The following DBN1 variants were observed in gnomAD, a reference collection of about 807,000 sequenced individuals.
DBN1 encodes drebrin 1, also known as drebrin.
A neutral mutation model predicts 83.5 loss-of-function variants in DBN1; 21 were observed. That is an observed-to-expected ratio of 0.25 (90% CI 0.18 to 0.36). DBN1 has a LOEUF of 0.36. Among genes scored for constraint, DBN1 ranks in the 10% least tolerant of loss-of-function variants. DBN1 has a pLI of 1.00. For missense variants in DBN1, 874 were observed against 935.7 expected (o/e 0.93, Z 0.86); for synonymous variants, 381 against 384.9 (o/e 0.99, Z 0.12).
Position 177,456,993 on chromosome 5 carries a change from C to T in DBN1, c.*440G>A. ...AAAATTCGTGCAAAATATCTGAAGC[C>T]CTGGACAGAGAATACAAAGTGATAT... is the stretch of plus-strand genomic sequence containing the variant. On this transcript the variant is annotated 3_prime_UTR_variant, in exon 15 of 15. Transcript: ENST00000393565. 5.8e-6 allele frequency: 1 copy of T among 173,608 alleles called. No individual in the cohort carries two copies. The highest frequency in any genetic ancestry group is 1.2e-5 in the Non-Finnish European group (1 of 80,638). The allele number at this position is 173,608 out of a possible 1,614,324, so 10.8% of individuals were successfully genotyped here.
Position 177,459,667 on chromosome 5 carries a change from A to G in DBN1, c.1029T>C (p.Pro343=), listed in dbSNP as rs1165562481. The G allele has an allele frequency of 2.6e-5, 41 of 1,591,744 alleles. No homozygotes were observed. The highest frequency in any genetic ancestry group is 3.3e-5 in the Non-Finnish European group (39 of 1,169,496). ...TGATATAGGGAAAGGGAGTCCGTGG[A>G]GGGGAGGAGGAGGAAGAGGAGGAGG... ...PSSSSSSSSS[P]PRTPFPYITC... The change falls in exon 11 of 15, where the codon CCT becomes CCC. Residue 343 remains proline, a synonymous_variant. Coordinates refer to ENST00000393565, the MANE Select transcript of DBN1 (RefSeq NM_001363541.2).
chr5:177,471,988 G>T, intron 1 of DBN1: 1 of 1,023,288 alleles, frequency 9.8e-7, no homozygotes, highest in Non-Finnish European at 1.4e-6. Context: ...CCCAAAGCCA[G>T]CTCCTTCACC....
intron 8 of DBN1, among the ~76,000 whole-genome samples, chr5:177,464,757 T>C (rs1311231684): frequency 2.0e-5 from 3 of 151,886 alleles, no homozygotes; most frequent in African/African-American, 7.2e-5. Context: ...TTGGCCAACA[T>C]GGTGAAACCC....
chr5:177,467,468 A>C lies in DBN1; in HGVS notation c.477+13T>G. 2 of 1,603,896 alleles carry C rather than the reference A, an allele frequency of 1.2e-6. No individual in the cohort carries two copies. The highest frequency in any genetic ancestry group is 1.7e-6 in the Non-Finnish European group (2 of 1,174,150). On this transcript the variant is annotated intron_variant, in intron 5 of 14. Transcript: ENST00000393565. This position sits in a 1 kb window ranked among gnomAD's most constrained non-coding sequence, Gnocchi z 9.1. Reference sequence around the variant, plus strand: ...ACGCAGGCAGAGCCCACGGGTGCCAAACACACACTAACCACGGGCTCTGCG... The same window carrying C: ...ACGCAGGCAGAGCCCACGGGTGCCACACACACACTAACCACGGGCTCTGCG...
chr5:177,465,738 C>T (rs1757400369), intron 8 of DBN1, among the ~76,000 whole-genome samples: 2 of 151,736 alleles, frequency 1.3e-5, no homozygotes, highest in Admixed American at 6.6e-5. Flanking sequence ...GCCTGTAATC[C>T]CAGCTACTCA....
At chr5:177,462,368 C>T (rs758256782) in intron 8 of DBN1, 1 of 985,582 alleles carries the variant, frequency 1.0e-6, no homozygotes, top group Non-Finnish European at 1.2e-6. Flanking sequence ...GGGCCAGGCC[C>T]TCTGGTTTCC....
In DBN1 at chr5:177,459,577, C is replaced by T. The variant is rs746344631; in HGVS notation, c.1093+26G>A. 26 of 1,475,902 alleles carry T rather than the reference C, an allele frequency of 1.8e-5. No individual in the cohort carries two copies. The Middle Eastern group carries it at 5.9e-4, about 33-fold the overall frequency. The allele number at this position is 1,475,902 out of a possible 1,614,324, so 91.4% of individuals were successfully genotyped here. A position where few individuals can be genotyped will look rare whatever the true frequency, so the allele number is the denominator to read the frequency against. Reference sequence around the variant, plus strand: ...GAAGCGGGGCCCTCCTTACCACCCCCGCCGAGGCCTGGGGCTGCTACCTAC... The same window carrying T: ...GAAGCGGGGCCCTCCTTACCACCCCTGCCGAGGCCTGGGGCTGCTACCTAC... On this transcript the variant is annotated intron_variant, in intron 11 of 14. Coordinates refer to ENST00000393565, the MANE Select transcript of DBN1 (RefSeq NM_001363541.2).
Position 177,466,401 on chromosome 5 carries a change from A to C in DBN1, c.771+371T>G, listed in dbSNP as rs1408821771. On this transcript the variant is annotated intron_variant, in intron 8 of 14. Transcript: ENST00000393565. The surrounding 1 kb of genome is among the most constrained non-coding windows in gnomAD (Gnocchi z 4.8). Reference sequence around the variant, plus strand: ...TACACACTGCCTGCAGATGCTCAGCACTGGCCCAGGCTCACCCATGCCGCC... The same window carrying C: ...TACACACTGCCTGCAGATGCTCAGCCCTGGCCCAGGCTCACCCATGCCGCC... 6.6e-6 allele frequency among the ~76,000 whole-genome samples: 1 copy of C among 152,160 alleles called. No homozygotes were observed. Among genetic ancestry groups the C allele is most frequent in the Non-Finnish European group, 1.5e-5 (1 of 68,000 alleles).
At chr5:177,473,000 C>T (rs1699721910) in intron 1 of DBN1, 2 of 225,992 alleles carry the variant, frequency 8.8e-6, no homozygotes, top group Non-Finnish European at 1.5e-5. Context: ...GGGCAGGCTG[C>T]GCTGGCTCCG....
chr5:177,457,329 G>A lies in DBN1; in HGVS notation c.*104C>T. Reference sequence around the variant, plus strand: ...CAGCCAGGGCCGGAATCCGGAGTGGGTGCCAGGCGGAGCTGCTGCGAATGC... The same window carrying A: ...CAGCCAGGGCCGGAATCCGGAGTGGATGCCAGGCGGAGCTGCTGCGAATGC... On this transcript the variant is annotated 3_prime_UTR_variant, in exon 15 of 15. Coordinates refer to ENST00000393565, the MANE Select transcript of DBN1 (RefSeq NM_001363541.2). The A allele has an allele frequency of 1.1e-6, 1 of 949,404 alleles. No individual in the cohort carries two copies. Among genetic ancestry groups the A allele is most frequent in the South Asian group, 1.3e-5 (1 of 74,758 alleles). The allele number at this position is 949,404 out of a possible 1,614,324, so 58.8% of individuals were successfully genotyped here.
intron 8 of DBN1, among the ~76,000 whole-genome samples, chr5:177,461,566 A>T (rs1561680744): frequency 6.6e-6 from 1 of 151,906 alleles, no homozygotes; most frequent in Non-Finnish European, 1.5e-5. Context: ...AGGCTCACTC[A>T]CTCACTTGCT....
intron 1 of DBN1, among the ~76,000 whole-genome samples, chr5:177,469,831 G>T (rs1466338013): frequency 6.6e-6 from 1 of 152,230 alleles, no homozygotes. Context: ...GGGCCTAGGA[G>T]GAAGGGCCTT....
intron 8 of DBN1, among the ~76,000 whole-genome samples, chr5:177,461,416 G>GC (rs1757037480): frequency 6.6e-6 from 1 of 152,112 alleles, no homozygotes; most frequent in Non-Finnish European, 1.5e-5. Context: ...CCTTCTTACA[G>GC]CCCCCATGCT....
At chr5:177,464,992 A>C (rs1405203857) in intron 8 of DBN1, among the ~76,000 whole-genome samples, 1 of 152,120 alleles carries the variant, frequency 6.6e-6, no homozygotes, top group Non-Finnish European at 1.5e-5. Flanking sequence ...GTCTCTACTA[A>C]AAATACAAAA....
Position 177,459,714 on chromosome 5 carries a change from C to T in DBN1, c.982G>A (p.Ala328Thr). The T allele has an allele frequency of 6.4e-7, 1 of 1,574,202 alleles. No homozygotes were observed. The change falls in exon 11 of 15, where the codon GCA (alanine) becomes ACA (threonine). Residue 328 changes from alanine to threonine, a missense_variant. Physicochemically the swap from Ala to Thr is moderately conservative, Grantham distance 58. Transcript: ENST00000393565. ...PGRPYCPFIK[A>T]SDSGPSSSSS... is the part of the protein sequence containing the mutation. Reference sequence around the variant, plus strand: ...GAGGAGGAAGGCCCACTGTCCGATGCCTTTATGAAAGGGCAGTACGGACGA... The same window carrying T: ...GAGGAGGAAGGCCCACTGTCCGATGTCTTTATGAAAGGGCAGTACGGACGA...
At position 177,468,798 on chromosome 5, in the gene DBN1, G is replaced by T. The variant is rs1201031729; in HGVS notation, c.142+46C>A. ...GGTGGGTGGGGAAGAAAACAACCAG[G>T]AGGAGGGGGTGGAGAAGGCGGCGAG... On this transcript the variant is annotated intron_variant, in intron 2 of 14. Transcript: ENST00000393565. 3 of 1,278,124 alleles carry T rather than the reference G, an allele frequency of 2.3e-6. No individual in the cohort carries two copies. The African/African-American group carries it at 4.6e-5, about 19-fold the overall frequency. The allele number at this position is 1,278,124 out of a possible 1,614,324, so 79.2% of individuals were successfully genotyped here.
chr5:177,472,820 G>T (rs1011182663), intron 1 of DBN1: 64 of 986,116 alleles, frequency 6.5e-5, no homozygotes, highest in Non-Finnish European at 7.1e-5. Flanking sequence ...GTCACTTCGC[G>T]GTCGCCATGT....
chr5:177,458,430 T>C lies in DBN1; in HGVS notation c.1542A>G (p.Val514=). 1 of 1,613,952 alleles carries C rather than the reference T, an allele frequency of 6.2e-7. No individual in the cohort carries two copies. Among genetic ancestry groups the C allele is most frequent in the Non-Finnish European group, 8.5e-7 (1 of 1,179,960 alleles). The change falls in exon 13 of 15, where the codon GTA becomes GTG. Residue 514 remains valine (V), a synonymous_variant. Coordinates refer to ENST00000393565, the MANE Select transcript of DBN1 (RefSeq NM_001363541.2). ...ATADTTVANN[V]PPAATSLIDL... is the part of the protein sequence containing the mutation. ...CAATGAGGCTGGTGGCGGCGGGGGG[T>C]ACGTTGTTGGCAACAGTGGTGTCAG...
chr5:177,457,562 C>T (rs1756604021), intron 14 of DBN1, 59 bp from the exon 15 acceptor site: 1 of 1,574,116 alleles, frequency 6.4e-7, no homozygotes, highest in African/African-American at 1.3e-5. Context: ...TGTCCCCAGC[C>T]TCTGTGAGCG....
Sources: allele counts gnomAD v4.1 joint callset (sites outside exome capture counted in the v4.1 genomes callset), GRCh38; gene constraint gnomAD v4.1.1; non-coding constraint Gnocchi (gnomAD v3.1); transcripts MANE v1.5; gene names NCBI Gene and HGNC (gene_info 2026-07-23, HGNC 2026-07-21).